The following TEX14 variants were observed in gnomAD, a reference collection of about 807,000 sequenced individuals.
TEX14 encodes the protein inactive serine/threonine-protein kinase TEX14.
TEX14 carries 168 observed loss-of-function variants against 178.6 expected under a neutral mutation model. The observed-to-expected ratio is 0.94, with a 90% CI of 0.83 to 1.07. The LOEUF is 1.07. Among genes scored for constraint, TEX14 ranks in the 50% least tolerant of loss-of-function variants. TEX14 has a pLI of 0.00. For missense variants in TEX14, 1,730 were observed against 1,753.6 expected, an observed-to-expected ratio of 0.99 and a Z score of 0.24; for synonymous variants, 626 against 634.1, an observed-to-expected ratio of 0.99 and a Z score of 0.19.
intron 18 of TEX14, 50 bp from the exon 19 acceptor site, chr17:58,584,650 C>A: frequency 7.1e-7 from 1 of 1,411,540 alleles, no homozygotes; most frequent in Non-Finnish European, 1.0e-6. Flanking sequence ...GATATTCAGA[C>A]AACATGGAAG....
chr17:58,598,166 T>C (rs1912695200), intron 14 of TEX14, among the ~76,000 whole-genome samples: 1 of 151,640 alleles, frequency 6.6e-6, no homozygotes, highest in Non-Finnish European at 1.5e-5. Flanking sequence ...AATACAAAAT[T>C]AGCCAGGCAT....
chr17:58,652,055 A>T, intron 1 of TEX14, 53 bp from the exon 2 acceptor site: 3 of 1,417,524 alleles, frequency 2.1e-6, no homozygotes, highest in Non-Finnish European at 2.8e-6. Context: ...AAATGCAAGG[A>T]AACAACTTAA....
At chr17:58,641,064 T>C (rs1454303270) in intron 2 of TEX14, among the ~76,000 whole-genome samples, 1 of 151,828 alleles carries the variant, frequency 6.6e-6, no homozygotes, top group African/African-American at 2.4e-5. Flanking sequence ...AAGGAGAGGG[T>C]TTCCCTAACC....
At chr17:58,557,093 G>C (rs998868549) in intron 31 of TEX14, 46 bp from the exon 32 acceptor site, 14 of 1,513,586 alleles carry the variant, frequency 9.2e-6, no homozygotes, top group Non-Finnish European at 1.3e-5. Flanking sequence ...TTTCGAGTTG[G>C]TATGTGTGTT....
intron 31 of TEX14, 74 bp downstream of exon 31, chr17:58,557,725 G>C: frequency 8.2e-7 from 1 of 1,219,786 alleles, no homozygotes; most frequent in Non-Finnish European, 1.2e-6. Context: ...TTAGACACTG[G>C]TAAATGTTTT....
At chr17:58,657,313 TTCTTG>T (rs1401532916) in intron 1 of TEX14, among the ~76,000 whole-genome samples, 5 of 151,760 alleles carry the variant, frequency 3.3e-5, no homozygotes, top group Non-Finnish European at 7.4e-5. Flanking sequence ...CTTGTGCCTG[TTCTTG>T]TCTTGTCTGT....
chr17:58,661,150 G>A, intron 1 of TEX14: 1 of 828,446 alleles, frequency 1.2e-6, no homozygotes, highest in Non-Finnish European at 2.2e-6. Context: ...CCATAGCAAC[G>A]AGGCTAGGAT....
At chr17:58,627,994 A>G (rs1409218713) in intron 3 of TEX14, among the ~76,000 whole-genome samples, 1 of 147,638 alleles carries the variant, frequency 6.8e-6, no homozygotes, top group East Asian at 2.0e-4. Context: ...GGCTCGAGCA[A>G]TCCTCCCACC....
chr17:58,631,560 T>A (rs1286627161), intron 2 of TEX14: 1 of 151,124 alleles, frequency 6.6e-6, no homozygotes, highest in African/African-American at 2.4e-5. Flanking sequence ...AAAACACACA[T>A]CTGGCATAAC....
In TEX14 at chr17:58,651,951, G is replaced by A. The variant is rs781349524; in HGVS notation, c.51C>T (p.Thr17=). 6.2e-7 allele frequency: 1 copy of A among 1,613,206 alleles called. No homozygotes were observed. The highest frequency in any genetic ancestry group is 1.7e-5 in the Admixed American group (1 of 59,688). ...LPVPCPVQLG[T]LRNDSLEAQL... ...GAGCTTCCAGGGAGTCATTTCTTAA[G>A]GTACCAAGTTGAACAGGACAGGGGA... The change falls in exon 2 of 32, where the codon ACC becomes ACT. Residue 17 remains threonine (T), a synonymous_variant. Transcript: ENST00000349033.
At chr17:58,580,955 C>T (rs1423931071) in intron 19 of TEX14, among the ~76,000 whole-genome samples, 2 of 152,148 alleles carry the variant, frequency 1.3e-5, no homozygotes, top group Non-Finnish European at 2.9e-5. Flanking sequence ...ACCAGTCTTC[C>T]TCAGAGAGAG....
intron 2 of TEX14, among the ~76,000 whole-genome samples, chr17:58,647,394 T>C (rs1453491683): frequency 1.3e-5 from 2 of 151,118 alleles, no homozygotes; most frequent in African/African-American, 4.8e-5. Flanking sequence ...TAGCTGGGTG[T>C]AGTGGCGGGT....
chr17:58,588,454 C>T (rs904731386), intron 15 of TEX14, among the ~76,000 whole-genome samples: 2 of 152,138 alleles, frequency 1.3e-5, no homozygotes, highest in Admixed American at 6.6e-5. Context: ...CCACCATGCC[C>T]GGCTAGTTTT....
At chr17:58,575,800 G>T (rs1474091495) in intron 21 of TEX14, among the ~76,000 whole-genome samples, 1 of 152,216 alleles carries the variant, frequency 6.6e-6, no homozygotes, top group Non-Finnish European at 1.5e-5. Context: ...ACATGAAGCA[G>T]GAGCAAAGAA....
chr17:58,561,301 A>C (rs978526451), intron 29 of TEX14, among the ~76,000 whole-genome samples: 1 of 152,228 alleles, frequency 6.6e-6, no homozygotes, highest in African/African-American at 2.4e-5. Context: ...CAAACTTAGA[A>C]GCCTCTGTCT....
At chr17:58,618,591 T>G (rs1345062394) in intron 5 of TEX14, among the ~76,000 whole-genome samples, 3 of 152,218 alleles carry the variant, frequency 2.0e-5, no homozygotes, top group African/African-American at 7.2e-5. Context: ...CAGCTCAGAC[T>G]GAAGGAAAAA....
At chr17:58,600,294 C>T (rs935356759) in intron 13 of TEX14, among the ~76,000 whole-genome samples, 2 of 152,072 alleles carry the variant, frequency 1.3e-5, no homozygotes, top group East Asian at 1.9e-4. Context: ...GAGGCCAGGG[C>T]GGGTGGATCA....
chr17:58,667,483 A>G (rs2047233362), intron 1 of TEX14, among the ~76,000 whole-genome samples: 1 of 152,246 alleles, frequency 6.6e-6, no homozygotes, highest in African/African-American at 2.4e-5. Context: ...CTAACAGCTA[A>G]CATCTACTGT....
At chr17:58,590,744 G>A (rs1567722617) in intron 15 of TEX14, among the ~76,000 whole-genome samples, 1 of 152,030 alleles carries the variant, frequency 6.6e-6, no homozygotes, top group Admixed American at 6.6e-5. Context: ...TTGTAGAGAT[G>A]GTGTTTTGCC....
Sources: gnomAD v4.1 joint callset for allele counts (sites outside exome capture counted in the v4.1 genomes callset) on GRCh38, gnomAD v4.1.1 for gene constraint, MANE v1.5 for transcripts, NCBI Gene and HGNC (gene_info 2026-07-23, HGNC 2026-07-21) for gene names.